The following RHOT1 variants were observed in gnomAD, a reference collection of about 807,000 sequenced individuals.
RHOT1 encodes the protein mitochondrial Rho GTPase 1.
Under a neutral mutation model 95.3 loss-of-function variants are expected in RHOT1, and 27 were observed. The observed-to-expected ratio is 0.28, with a 90% confidence interval of 0.21 to 0.39. The LOEUF is 0.39. Ranked by LOEUF, RHOT1 falls within the 10% of genes least tolerant of loss-of-function variation. The pLI is 1.00. For missense variants in RHOT1, 578 were observed against 786.7 expected (o/e 0.73, Z 3.17); for synonymous variants, 227 against 263.5 (o/e 0.86, Z 1.34).
At position 32,224,730 on chromosome 17, in the gene RHOT1, A is replaced by T; in HGVS notation, c.1977A>T (p.Arg659=). The change falls in exon 20 of 20, where the codon CGA becomes CGT. Residue 659 remains arginine, a synonymous_variant. Coordinates refer to ENST00000545287, the MANE Select transcript of RHOT1 (RefSeq NM_001033566.3). ...FAMYKALLKQ[R] ...TGTACAAAGCATTATTGAAACAGCG[A>T]TGATATAAAAAGAAATACTGTCCCT... The T allele has an allele frequency of 6.3e-7, 1 of 1,591,874 alleles. No homozygotes were observed.
rs1408312593 is a variant in RHOT1 at position 32,211,119 on chromosome 17, T to C, written c.1743T>C (p.His581=). The C allele has an allele frequency of 6.2e-7, 1 of 1,604,776 alleles. No homozygotes were observed. Among genetic ancestry groups the C allele is most frequent in the South Asian group, 1.1e-5 (1 of 90,264 alleles). Residue 581 remains histidine (H), a synonymous_variant, in exon 19 of 20, where the codon CAT becomes CAC. Coordinates refer to ENST00000545287, the MANE Select transcript of RHOT1 (RefSeq NM_001033566.3). The stretch of plus-strand genomic sequence containing the variant: ...GTCCTTCTGTGTGTTTTCGCAGCCA[T>C]GCCCGGTTACGCTGTATGTGCACCT... The part of the protein sequence containing the change: ...VKLTTMAMYP[H]ARLRCMCTCN...
At chr17:32,187,789 G>A (rs1042301231) in intron 8 of RHOT1, among the ~76,000 whole-genome samples, 6 of 152,218 alleles carry the variant, frequency 3.9e-5, no homozygotes, top group Admixed American at 6.5e-5. Context: ...GGCTGGTCTC[G>A]AACTCCTGAC....
At chr17:32,174,095 C>T (rs1387812677) in intron 3 of RHOT1, among the ~76,000 whole-genome samples, 183 bp downstream of exon 3, 4 of 152,208 alleles carry the variant, frequency 2.6e-5, no homozygotes, top group African/African-American at 4.8e-5. Context: ...CCCAGTGCCT[C>T]CATCTGACAG....
intron 1 of RHOT1, among the ~76,000 whole-genome samples, chr17:32,157,357 T>TC (rs2033068754): frequency 6.6e-6 from 1 of 152,218 alleles, no homozygotes; most frequent in Non-Finnish European, 1.5e-5. Context: ...TTGAGGAGTT[T>TC]CCTATGGGTG....
At chr17:32,152,224 G>T (rs933443866) in intron 1 of RHOT1, among the ~76,000 whole-genome samples, 6 of 152,214 alleles carry the variant, frequency 3.9e-5, no homozygotes, top group African/African-American at 1.4e-4. Flanking sequence ...TCCTGCCAGA[G>T]TGTTTTCTTT....
intron 19 of RHOT1, among the ~76,000 whole-genome samples, chr17:32,218,367 T>A (rs1454793035): frequency 3.3e-5 from 5 of 151,376 alleles, no homozygotes; most frequent in Non-Finnish European, 7.4e-5. Context: ...ACAAGCTGGG[T>A]GTGATGGCTC....
chr17:32,155,066 A>T (rs1437818508), intron 1 of RHOT1, among the ~76,000 whole-genome samples: 2 of 152,174 alleles, frequency 1.3e-5, no homozygotes, highest in Non-Finnish European at 2.9e-5. Flanking sequence ...CCTGGACAAC[A>T]GAACAAGATC....
intron 19 of RHOT1, among the ~76,000 whole-genome samples, chr17:32,216,507 C>G (rs567751254): frequency 6.6e-6 from 1 of 151,942 alleles, no homozygotes; most frequent in Non-Finnish European, 1.5e-5. Context: ...TAGTTCACAC[C>G]GAATATTTAC....
intron 19 of RHOT1, among the ~76,000 whole-genome samples, chr17:32,223,710 G>A (rs2038975182): frequency 1.3e-5 from 2 of 151,904 alleles, no homozygotes; most frequent in South Asian, 4.1e-4. Flanking sequence ...CACTGCACCC[G>A]GCCAATTTTT....
At chr17:32,170,868 AGTAT>A (rs1278888747) in intron 1 of RHOT1, among the ~76,000 whole-genome samples, 171 bp from the exon 2 acceptor site, 1 of 152,160 alleles carries the variant, frequency 6.6e-6, no homozygotes, top group African/African-American at 2.4e-5. Flanking sequence ...TTTAAAAAAG[AGTAT>A]GTGTGACTTT....
intron 19 of RHOT1, among the ~76,000 whole-genome samples, chr17:32,213,899 A>G (rs1032379081): frequency 3.3e-5 from 5 of 152,188 alleles, no homozygotes; most frequent in Admixed American, 1.3e-4. Flanking sequence ...AAATTATACA[A>G]TGGCCCTCAA....
intron 18 of RHOT1, 126 bp from the exon 19 acceptor site, chr17:32,210,990 G>A (rs1176035164): frequency 1.8e-5 from 16 of 875,924 alleles, no homozygotes; most frequent in Non-Finnish European, 2.5e-5. Context: ...GCCCCATACT[G>A]TCCTTTTCCT....
chr17:32,185,709 C>CTTT (rs57965854), intron 8 of RHOT1, among the ~76,000 whole-genome samples: 5 of 126,752 alleles, frequency 3.9e-5, no homozygotes, highest in Non-Finnish European at 5.0e-5. Context: ...TGCCCGGCCT[C>CTTT]TTTTTTTTTT....
chr17:32,150,591 T>G, intron 1 of RHOT1: 1 of 1,587,270 alleles, frequency 6.3e-7, no homozygotes, highest in Non-Finnish European at 8.6e-7. Flanking sequence ...AACCCTGTCC[T>G]CCTACCTGGT....
chr17:32,165,561 A>T (rs927069430), intron 1 of RHOT1, among the ~76,000 whole-genome samples: 17 of 151,980 alleles, frequency 1.1e-4, no homozygotes, highest in Admixed American at 9.8e-4. Context: ...TAGTTAAAAA[A>T]TTTTTGTGTT....
chr17:32,193,956 A>G (rs1270751111), intron 10 of RHOT1, 31 bp from the exon 11 acceptor site: 2 of 1,609,414 alleles, frequency 1.2e-6, no homozygotes, highest in Admixed American at 1.7e-5. Context: ...GTGACTCTGT[A>G]CACTTTATTT....
At chr17:32,154,026 G>T (rs1219299023) in intron 1 of RHOT1, among the ~76,000 whole-genome samples, 1 of 152,040 alleles carries the variant, frequency 6.6e-6, no homozygotes, top group African/African-American at 2.4e-5. Flanking sequence ...TCAGGGGACA[G>T]GCGTGGTGGC....
intron 1 of RHOT1, chr17:32,151,030 G>C: frequency 6.9e-6 from 10 of 1,454,698 alleles, no homozygotes; most frequent in Non-Finnish European, 9.5e-6. Flanking sequence ...AGTGGGGGAA[G>C]AGGGGAGATT....
Position 32,175,948 on chromosome 17 carries a change from A to T in RHOT1, c.223-14A>T. The T allele has an allele frequency of 6.6e-7, 1 of 1,515,336 alleles. No individual in the cohort carries two copies. The highest frequency in any genetic ancestry group is 8.9e-7 in the Non-Finnish European group (1 of 1,127,170). 93.9% of individuals were successfully genotyped at this position (1,515,336 alleles called of 1,614,324 possible). A position where few individuals can be genotyped will look rare whatever the true frequency, so the allele number is the denominator to read the frequency against. ...TATTTTTAGATACGATTAATTTGTTAATTTTTCTTCTAGGCTAATGTCATC... is the reference window on the plus strand; with the variant it reads ...TATTTTTAGATACGATTAATTTGTTTATTTTTCTTCTAGGCTAATGTCATC... On this transcript the variant is annotated splice_polypyrimidine_tract_variant and intron_variant, in intron 4 of 19. Transcript: ENST00000545287.
Sources: allele counts gnomAD v4.1 joint callset (sites outside exome capture counted in the v4.1 genomes callset), GRCh38; gene constraint gnomAD v4.1.1; transcripts MANE v1.5; gene names NCBI Gene and HGNC (gene_info 2026-07-23, HGNC 2026-07-21).